The following SYAP1 variants were observed in gnomAD, a reference collection of about 807,000 sequenced individuals.
SYAP1 encodes synapse-associated protein 1.
A neutral mutation model predicts 29.6 loss-of-function variants in SYAP1; 3 were observed. That is an observed-to-expected ratio of 0.10 (90% CI 0.05 to 0.26). The LOEUF (loss-of-function observed/expected upper bound fraction) is 0.26. Among genes scored for constraint, SYAP1 ranks in the 10% least tolerant of loss-of-function variants. The pLI, the probability that SYAP1 is intolerant of heterozygous loss-of-function variation, is 1.00. For missense variants in SYAP1, 217 were observed against 264.1 expected, an observed-to-expected ratio of 0.82 and a Z score of 1.24; for synonymous variants, 102 against 102.7, an observed-to-expected ratio of 0.99 and a Z score of 0.04.
chrX:16,756,643 C>T lies in SYAP1; in HGVS notation c.725-20C>T, dbSNP rs769429554. 4 of 1,198,822 alleles carry T rather than the reference C, an allele frequency of 3.3e-6. No individual in the cohort carries two copies. In the Admixed American group the frequency reaches 8.7e-5, roughly 26 times the overall value. On this transcript the variant is annotated intron_variant, in intron 6 of 8. Transcript: ENST00000380155. ...GAACTGAACCAAGCAATTATTGTCT[C>T]TCTTATTCTCACTTCTTAGAGGCAG...
intron 5 of SYAP1, among the ~76,000 whole-genome samples, chrX:16,749,002 G>T (rs1299464744): frequency 9.0e-6 from 1 of 110,679 alleles, no homozygotes; most frequent in African/African-American, 3.3e-5. Flanking sequence ...CAATCTGCCT[G>T]CCTCAGCCTC....
At chrX:16,737,121 G>A (rs1926347717) in intron 3 of SYAP1, among the ~76,000 whole-genome samples, 1 of 111,929 alleles carries the variant, frequency 8.9e-6, no homozygotes, top group Non-Finnish European at 1.9e-5. Flanking sequence ...TAGTATAACT[G>A]TAATCCCAAC....
chrX:16,722,253 GT>G (rs1925977374), intron 1 of SYAP1, among the ~76,000 whole-genome samples: 1 of 111,764 alleles, frequency 8.9e-6, no homozygotes, highest in African/African-American at 3.3e-5. Context: ...TATCAGCCGG[GT>G]GCGGTGGCTC....
intron 3 of SYAP1, 95 bp downstream of exon 3, chrX:16,736,327 G>T: frequency 1.8e-6 from 1 of 557,010 alleles, no homozygotes; most frequent in Non-Finnish European, 3.0e-6. Flanking sequence ...ACACAAAAAT[G>T]CATATGCAAT....
intron 2 of SYAP1, among the ~76,000 whole-genome samples, 175 bp from the exon 3 acceptor site, chrX:16,735,991 G>A (rs140414413): frequency 7.7e-4 from 87 of 112,436 alleles, no homozygotes; most frequent in African/African-American, 2.6e-3. Flanking sequence ...TGCATCATGC[G>A]ACTAAGGTCC....
Position 16,760,458 on chromosome X carries a change from A to C in SYAP1, c.*99A>C, listed in dbSNP as rs1204354788. On this transcript the variant is annotated 3_prime_UTR_variant, in exon 9 of 9. Transcript: ENST00000380155. ...GAATCAGAAGGCATGAAAGAGTATA[A>C]TTTTATGAAATTCAAAATTATTCTT... is the stretch of plus-strand genomic sequence containing the variant. 25 of 856,595 alleles carry C rather than the reference A, an allele frequency of 2.9e-5. No individual in the cohort carries two copies. The Admixed American group carries it at 9.5e-4, about 33-fold the overall frequency. 70.6% of individuals were successfully genotyped at this position (856,595 alleles called of 1,213,427 possible).
intron 5 of SYAP1, among the ~76,000 whole-genome samples, chrX:16,748,397 A>G (rs1363736606): frequency 8.9e-6 from 1 of 112,908 alleles, no homozygotes; most frequent in African/African-American, 3.2e-5. Context: ...CAGAAGCACA[A>G]CTTTGCTCTT....
intron 1 of SYAP1, 139 bp downstream of exon 1, chrX:16,720,038 A>T (rs766832643): frequency 1.3e-5 from 8 of 610,169 alleles, no homozygotes; most frequent in Non-Finnish European, 2.0e-5. Flanking sequence ...TCTGTCGGTC[A>T]GTCCTCTCCG....
intron 1 of SYAP1, among the ~76,000 whole-genome samples, chrX:16,727,598 C>T (rs898278224): frequency 1.8e-5 from 2 of 112,442 alleles, no homozygotes; most frequent in East Asian, 5.6e-4. Flanking sequence ...CCACCTCGGC[C>T]TCCCGAAGTG....
At position 16,762,953 on chromosome X, in the gene SYAP1, T is replaced by A. The variant is rs1306356590; in HGVS notation, c.*2594T>A. 1 of 111,578 alleles carries A rather than the reference T, an allele frequency of 9.0e-6. No individual in the cohort carries two copies. Among genetic ancestry groups the A allele is most frequent in the African/African-American group, 3.3e-5 (1 of 30,661 alleles). 9.2% of individuals were successfully genotyped at this position (111,578 alleles called of 1,213,427 possible). ...GTTTTTCTAGTTGGCATTACAGGTG[T>A]CTCCTCTGAGGTTCCAGTTATTTCT... On this transcript the variant is annotated 3_prime_UTR_variant, in exon 9 of 9. Transcript: ENST00000380155.
intron 5 of SYAP1, among the ~76,000 whole-genome samples, chrX:16,754,740 T>C (rs867581233): frequency 7.0e-4 from 76 of 109,343 alleles, no homozygotes; most frequent in African/African-American, 2.5e-3. Context: ...AAAAAAAAAA[T>C]TGTTAAAGCC....
rs964801961 is a variant in SYAP1 at position 16,719,637 on chromosome X, C to G, written c.-88C>G. 5.7e-6 allele frequency: 6 copies of G among 1,053,395 alleles called. No homozygotes were observed. In the South Asian group the frequency reaches 1.1e-4, roughly 20 times the overall value. 86.8% of individuals were successfully genotyped at this position (1,053,395 alleles called of 1,213,427 possible). ...GTTCCTCCGACTTCCGGACATCTCC[C>G]TGGGAGTCGCGCAGAGTGGAGTCAA... On this transcript the variant is annotated 5_prime_UTR_variant, in exon 1 of 9. Transcript: ENST00000380155.
chrX:16,743,203 CTG>C (rs1486098898), intron 4 of SYAP1, among the ~76,000 whole-genome samples: 1 of 108,873 alleles, frequency 9.2e-6, no homozygotes, highest in Non-Finnish European at 1.9e-5. Flanking sequence ...TAGCACACAC[CTG>C]TAATCCCAGC....
chrX:16,743,905 T>C, intron 5 of SYAP1, 65 bp downstream of exon 5: 1 of 1,121,909 alleles, frequency 8.9e-7, no homozygotes, highest in Non-Finnish European at 1.2e-6. Context: ...CAGCACATAA[T>C]GATGGAAGGG....
At chrX:16,744,383 C>A (rs945779234) in intron 5 of SYAP1, among the ~76,000 whole-genome samples, 1 of 112,788 alleles carries the variant, frequency 8.9e-6, no homozygotes, top group Non-Finnish European at 1.9e-5. Flanking sequence ...CAAGCTCTTC[C>A]GTGCCTTCTC....
At chrX:16,747,120 T>C (rs761353164) in intron 5 of SYAP1, among the ~76,000 whole-genome samples, 1 of 110,972 alleles carries the variant, frequency 9.0e-6, no homozygotes, top group Non-Finnish European at 1.9e-5. Flanking sequence ...TAATACTGTT[T>C]TTAACTTTTT....
chrX:16,745,737 C>T (rs1249155001), intron 5 of SYAP1, among the ~76,000 whole-genome samples: 1 of 62,354 alleles, frequency 1.6e-5, no homozygotes, highest in Non-Finnish European at 3.2e-5. Context: ...ACTCTGTCTC[C>T]AAAAAAAAAA....
chrX:16,732,931 G>C (rs1926240993), intron 1 of SYAP1, among the ~76,000 whole-genome samples: 1 of 112,124 alleles, frequency 8.9e-6, no homozygotes, highest in African/African-American at 3.2e-5. Context: ...GTAATCGGTA[G>C]AGTGTTTTGA....
intron 8 of SYAP1, among the ~76,000 whole-genome samples, chrX:16,759,265 T>C (rs1926927354): frequency 9.3e-6 from 1 of 107,957 alleles, no homozygotes; most frequent in Non-Finnish European, 1.9e-5. Flanking sequence ...CTTGGGAGGC[T>C]GAGGCAGGAG....
Sources: allele counts gnomAD v4.1 joint callset (sites outside exome capture counted in the v4.1 genomes callset), GRCh38; gene constraint gnomAD v4.1.1; transcripts MANE v1.5; gene names NCBI Gene and HGNC (gene_info 2026-07-23, HGNC 2026-07-21).